The following CAB39 variants were observed in gnomAD, a reference collection of about 807,000 sequenced individuals.
CAB39 encodes calcium binding protein 39.
In CAB39, 8 loss-of-function variants were observed where a neutral mutation model predicts 40.0. That is an observed-to-expected ratio of 0.20 (90% CI 0.12 to 0.36). The LOEUF is 0.36. Among genes scored for constraint, CAB39 ranks in the 10% least tolerant of loss-of-function variants. The pLI is 1.00. For synonymous variants in CAB39, 156 were observed against 141.6 expected (o/e 1.10, Z -0.72); for missense variants, 270 against 401.1 (o/e 0.67, Z 2.79).
At chr2:230,728,832 C>T (rs1363217300) in intron 1 of CAB39, among the ~76,000 whole-genome samples, 2 of 152,140 alleles carry the variant, frequency 1.3e-5, no homozygotes, top group Non-Finnish European at 2.9e-5. Flanking sequence ...AGATTGGTCT[C>T]GAACTCCTGG....
chr2:230,747,239 A>G (rs1286527300), intron 1 of CAB39, among the ~76,000 whole-genome samples: 1 of 152,218 alleles, frequency 6.6e-6, no homozygotes, highest in African/African-American at 2.4e-5. Flanking sequence ...AGAAAAAGAA[A>G]AAAGTGGTCT....
chr2:230,724,853 G>A (rs1021624429), intron 1 of CAB39, among the ~76,000 whole-genome samples: 6 of 150,440 alleles, frequency 4.0e-5, no homozygotes, highest in Non-Finnish European at 7.4e-5. Flanking sequence ...GGTATCAAAC[G>A]GATTGAAAGT....
chr2:230,780,975 G>A (rs553290326), intron 2 of CAB39, among the ~76,000 whole-genome samples: 3 of 152,106 alleles, frequency 2.0e-5, no homozygotes, highest in African/African-American at 4.8e-5. Context: ...CCAGCTACTC[G>A]GGAGGCTGAG....
In CAB39 at chr2:230,811,340, C is replaced by T. The variant is rs149247763; in HGVS notation, c.627+1018C>T. 1.4e-3 allele frequency among the ~76,000 whole-genome samples: 209 copies of T among 152,202 alleles called. 2 individuals are homozygous for T. The highest frequency in any genetic ancestry group is 9.8e-3 in the East Asian group (51 of 5,182). On this transcript the variant is annotated intron_variant, in intron 6 of 8. Transcript: ENST00000258418. ...CTGTCTTTTCCCCCTGCCCTCCACT[C>T]CCAGTAAGAACATAACACAACACTG...
At chr2:230,752,146 C>T (rs1045487563) in intron 1 of CAB39, 11 of 145,534 alleles carry the variant, frequency 7.6e-5, no homozygotes, top group South Asian at 4.3e-4. Context: ...TTTTGGTGCT[C>T]GCTTTGGCAG....
At chr2:230,790,536 C>G (rs139680373) in intron 2 of CAB39, among the ~76,000 whole-genome samples, 1 of 152,166 alleles carries the variant, frequency 6.6e-6, no homozygotes, top group Non-Finnish European at 1.5e-5. Flanking sequence ...AGGGATCAGC[C>G]CAGTTGCCTC....
chr2:230,814,151 A>G lies in CAB39; in HGVS notation c.693+37A>G, dbSNP rs748587379. 3.0e-6 allele frequency: 3 copies of G among 1,013,128 alleles called. No individual in the cohort carries two copies. The Admixed American group carries it at 6.8e-5, about 23-fold the overall frequency. The allele number at this position is 1,013,128 out of a possible 1,614,324, so 62.8% of individuals were successfully genotyped here. A position where few individuals can be genotyped will look rare whatever the true frequency, so the allele number is the denominator to read the frequency against. On this transcript the variant is annotated intron_variant, in intron 7 of 8. Coordinates refer to ENST00000258418, the MANE Select transcript of CAB39 (RefSeq NM_016289.4). Reference sequence around the variant, plus strand: ...CATTTTGTATAGCTTATTTCTCTGTACCTTGTGTTTGAAATGTGGATTTGG... The same window carrying G: ...CATTTTGTATAGCTTATTTCTCTGTGCCTTGTGTTTGAAATGTGGATTTGG...
intron 1 of CAB39, among the ~76,000 whole-genome samples, chr2:230,715,617 A>G (rs1262361683): frequency 1.3e-5 from 2 of 152,236 alleles, no homozygotes; most frequent in African/African-American, 4.8e-5. Context: ...TGAACATGAC[A>G]TCACGAAGAC....
chr2:230,804,228 A>G (rs1351662674), intron 5 of CAB39, among the ~76,000 whole-genome samples: 1 of 152,222 alleles, frequency 6.6e-6, no homozygotes, highest in Non-Finnish European at 1.5e-5. Flanking sequence ...CACCTTCCTT[A>G]CACCTTATAC....
intron 1 of CAB39, among the ~76,000 whole-genome samples, chr2:230,718,492 G>A (rs866068820): frequency 3.3e-5 from 5 of 152,194 alleles, no homozygotes; most frequent in Admixed American, 1.3e-4. Context: ...GGTTAAAAGC[G>A]CAGGTGCAGC....
chr2:230,782,809 C>CTTTTTTTT lies in CAB39; in HGVS notation c.115-8060_115-8059insTTTTTTTT, dbSNP rs1408052300. Among the ~76,000 whole-genome samples, 203 of 112,360 alleles carry CTTTTTTTT rather than the reference C, an allele frequency of 1.8e-3. 6 individuals carry two copies. Among genetic ancestry groups the CTTTTTTTT allele is most frequent in the African/African-American group, 2.6e-3 (54 of 21,022 alleles). 73.7% of individuals were successfully genotyped at this position (112,360 alleles called of 152,430 possible). On this transcript the variant is annotated intron_variant, in intron 2 of 8. Coordinates refer to ENST00000258418, the MANE Select transcript of CAB39 (RefSeq NM_016289.4). ...CTGCTGTTTCTTTCTTTCTTTCTTTCTTTCTTTTTTTTTTTTTTTTTTTGA... is the reference window on the plus strand; with the variant it reads ...CTGCTGTTTCTTTCTTTCTTTCTTTCTTTTTTTTTTTCTTTTTTTTTTTTTTTTTTTGA...
chr2:230,759,872 C>T (rs1695258562), intron 1 of CAB39, 87 bp from the exon 2 acceptor site: 5 of 535,550 alleles, frequency 9.3e-6, no homozygotes, highest in Admixed American at 3.1e-5. Context: ...TGCCTAAACA[C>T]GGGTTTTCTT....
intron 7 of CAB39, among the ~76,000 whole-genome samples, chr2:230,814,465 G>T (rs1696363990): frequency 1.3e-5 from 2 of 152,200 alleles, no homozygotes; most frequent in African/African-American, 4.8e-5. Flanking sequence ...ACAGGCAGGT[G>T]TGTGAGGGTG....
intron 1 of CAB39, among the ~76,000 whole-genome samples, chr2:230,748,831 A>AAAAAAAAATATATATATAT (rs1386799920): frequency 7.0e-5 from 2 of 28,510 alleles, no homozygotes; most frequent in Admixed American, 6.5e-4. Flanking sequence ...AAAAAAAAAA[A>AAAAAAAAATATATATATAT]ATATATATAT....
At chr2:230,730,514 G>T (rs1343007531) in intron 1 of CAB39, among the ~76,000 whole-genome samples, 1 of 150,418 alleles carries the variant, frequency 6.6e-6, no homozygotes, top group Non-Finnish European at 1.5e-5. Context: ...GTGCGACCTC[G>T]GCTCACTGCA....
intron 2 of CAB39, among the ~76,000 whole-genome samples, chr2:230,770,782 C>T (rs955404573): frequency 6.6e-6 from 1 of 151,896 alleles, no homozygotes; most frequent in Non-Finnish European, 1.5e-5. Flanking sequence ...GTATAATTCA[C>T]TATATTGAAA....
chr2:230,727,522 C>T (rs1231592959), intron 1 of CAB39, among the ~76,000 whole-genome samples: 2 of 151,418 alleles, frequency 1.3e-5, no homozygotes, highest in Non-Finnish European at 2.9e-5. Flanking sequence ...TTGAGTGATC[C>T]TCCCTCCTCA....
intron 1 of CAB39, among the ~76,000 whole-genome samples, chr2:230,738,144 G>T (rs186747983): frequency 5.3e-5 from 8 of 152,324 alleles, no homozygotes; most frequent in Non-Finnish European, 1.0e-4. Flanking sequence ...CTCCGCTGAA[G>T]TCTGGGACCT....
At chr2:230,791,643 G>C (rs1695894117) in intron 3 of CAB39, among the ~76,000 whole-genome samples, 1 of 152,134 alleles carries the variant, frequency 6.6e-6, no homozygotes, top group South Asian at 2.1e-4. Context: ...CCTTCAGCTA[G>C]AGCAGAGTAG....
Sources: gnomAD v4.1 joint callset for allele counts (sites outside exome capture counted in the v4.1 genomes callset) on GRCh38, gnomAD v4.1.1 for gene constraint, MANE v1.5 for transcripts, NCBI Gene and HGNC (gene_info 2026-07-23, HGNC 2026-07-21) for gene names.